Variants in CEMIP2 observed in about 807,000 individuals in gnomAD.
CEMIP2 encodes cell migration inducing hyaluronidase 2.
Under a neutral mutation model 146.9 loss-of-function variants are expected in CEMIP2, and 79 were observed. That is an observed-to-expected ratio of 0.54 (90% CI 0.45 to 0.65). The LOEUF is 0.65. Among genes scored for constraint, CEMIP2 ranks in the 30% least tolerant of loss-of-function variants. CEMIP2 has a pLI of 0.00. For missense variants in CEMIP2, 1,596 were observed against 1,696.2 expected (o/e 0.94, Z 1.04); for synonymous variants, 601 against 606.3 (o/e 0.99, Z 0.13).
At chr9:71,749,428 G>C (rs573400113) in intron 2 of CEMIP2, among the ~76,000 whole-genome samples, 3 of 151,426 alleles carry the variant, frequency 2.0e-5, no homozygotes, top group Admixed American at 2.0e-4. Context: ...ACTTGCGGCC[G>C]GGCATGGTGG....
intron 2 of CEMIP2, among the ~76,000 whole-genome samples, chr9:71,749,282 ATATTTG>A (rs1824177534): frequency 6.6e-6 from 1 of 152,166 alleles, no homozygotes; most frequent in Non-Finnish European, 1.5e-5. Context: ...TTACTCAAAA[ATATTTG>A]AAACTTTTCC....
chr9:71,746,424 C>A, intron 2 of CEMIP2, 83 bp from the exon 3 acceptor site: 1 of 1,511,610 alleles, frequency 6.6e-7, no homozygotes, highest in South Asian at 1.2e-5. Context: ...TTATTTACTG[C>A]AGATCTGCAA....
intron 12 of CEMIP2, among the ~76,000 whole-genome samples, chr9:71,720,846 C>T (rs984070023): frequency 1.2e-4 from 18 of 152,204 alleles, no homozygotes; most frequent in Admixed American, 1.1e-3. Context: ...GAGTCCAATT[C>T]CTTATCAATA....
At chr9:71,763,168 G>A (rs1824687930) in intron 1 of CEMIP2, among the ~76,000 whole-genome samples, 2 of 151,476 alleles carry the variant, frequency 1.3e-5, no homozygotes, top group African/African-American at 4.9e-5. Flanking sequence ...TTCCTAAAAT[G>A]TTAATAATTA....
At chr9:71,690,482 T>C (rs1436245075) in intron 21 of CEMIP2, among the ~76,000 whole-genome samples, 1 of 152,232 alleles carries the variant, frequency 6.6e-6, no homozygotes, top group Non-Finnish European at 1.5e-5. Context: ...AGAACCTGCT[T>C]TGAGCAAGGC....
At chr9:71,698,740 T>C (rs374510685) in intron 19 of CEMIP2, among the ~76,000 whole-genome samples, 5 of 152,332 alleles carry the variant, frequency 3.3e-5, no homozygotes, top group African/African-American at 1.2e-4. Context: ...CGGTCTATAT[T>C]AGGGCCAAAA....
chr9:71,749,750 T>C (rs530751491), intron 2 of CEMIP2, among the ~76,000 whole-genome samples: 22 of 151,912 alleles, frequency 1.4e-4, no homozygotes, highest in African/African-American at 5.3e-4. Context: ...CCAAAAATCA[T>C]ACCTACCATA....
intron 21 of CEMIP2, among the ~76,000 whole-genome samples, chr9:71,692,930 A>ACAG (rs1396624996): frequency 6.6e-6 from 1 of 151,386 alleles, no homozygotes; most frequent in Admixed American, 6.6e-5. Context: ...AACGACAACA[A>ACAG]CAACAACAAA....
chr9:71,758,028 C>T (rs62544882), intron 1 of CEMIP2, among the ~76,000 whole-genome samples: 10,449 of 152,150 alleles, frequency 0.069, 509 homozygotes, highest in South Asian at 0.19. Flanking sequence ...AGGAATCTTT[C>T]TATACGTAGT....
intron 12 of CEMIP2, among the ~76,000 whole-genome samples, chr9:71,720,930 T>C (rs1248379863): frequency 6.6e-6 from 1 of 152,106 alleles, no homozygotes; most frequent in South Asian, 2.1e-4. Context: ...TAATATCACA[T>C]ACACACACCT....
At chr9:71,697,001 G>A (rs747982506) in intron 20 of CEMIP2, among the ~76,000 whole-genome samples, 1 of 152,146 alleles carries the variant, frequency 6.6e-6, no homozygotes, top group African/African-American at 2.4e-5. Context: ...TTAATAGGCA[G>A]TATGCATATT....
At chr9:71,696,677 A>T (rs980232185) in intron 20 of CEMIP2, among the ~76,000 whole-genome samples, 4 of 152,058 alleles carry the variant, frequency 2.6e-5, no homozygotes, top group Non-Finnish European at 5.9e-5. Context: ...AGGCTGAGGG[A>T]GGAGAATCCC....
intron 1 of CEMIP2, among the ~76,000 whole-genome samples, chr9:71,755,379 AC>A: frequency 2.0e-5 from 3 of 150,598 alleles, no homozygotes; most frequent in South Asian, 2.1e-4. Flanking sequence ...ACACACACAC[AC>A]AAAATTAAAT....
At chr9:71,727,006 A>G (rs1259709519) in intron 10 of CEMIP2, among the ~76,000 whole-genome samples, 2 of 152,230 alleles carry the variant, frequency 1.3e-5, no homozygotes, top group African/African-American at 4.8e-5. Context: ...TGTAAAAGGC[A>G]GTGGAAAGGT....
At chr9:71,697,825 T>G (rs1294) in intron 20 of CEMIP2, 160 bp downstream of exon 20, 160,609 of 655,052 alleles carry the variant, frequency 0.25, 20,306 homozygotes, top group African/African-American at 0.26. Flanking sequence ...CTAGTTTGCT[T>G]CTTACGCGCT....
Position 71,704,784 on chromosome 9 carries a change from C to T in CEMIP2, c.3005G>A (p.Ser1002Asn). ...TYAQVYVQTW[S>N]TQNLSMTITR... ...AATGGTCATAGAAAGATTCTGAGTG[C>T]TCCATGTCTGTACATAGACCTTGAA... Residue 1002 changes from serine (S) to asparagine (N), a missense_variant, in exon 18 of 24, where the codon AGC (serine) becomes AAC (asparagine). Coordinates refer to ENST00000377044, the MANE Select transcript of CEMIP2 (RefSeq NM_013390.3). 1 of 1,614,054 alleles carries T rather than the reference C, an allele frequency of 6.2e-7. No individual in the cohort carries two copies. The highest frequency in any genetic ancestry group is 8.5e-7 in the Non-Finnish European group (1 of 1,179,996).
intron 22 of CEMIP2, among the ~76,000 whole-genome samples, chr9:71,688,019 G>T (rs1392605896): frequency 6.6e-6 from 1 of 152,116 alleles, no homozygotes; most frequent in African/African-American, 2.4e-5. Context: ...CACATACCCA[G>T]ATAATTTTTA....
intron 10 of CEMIP2, 89 bp downstream of exon 10, chr9:71,729,756 G>T: frequency 7.8e-7 from 1 of 1,279,366 alleles, no homozygotes; most frequent in Non-Finnish European, 1.1e-6. Flanking sequence ...GGGTTACACT[G>T]GCACACATGA....
chr9:71,706,859 G>A (rs963842716), intron 17 of CEMIP2, among the ~76,000 whole-genome samples: 5 of 151,760 alleles, frequency 3.3e-5, no homozygotes, highest in African/African-American at 7.3e-5. Context: ...ACAGAGTTTC[G>A]CTCTTGTTGC....
Sources: gnomAD v4.1 joint callset for allele counts (sites outside exome capture counted in the v4.1 genomes callset) on GRCh38, gnomAD v4.1.1 for gene constraint, MANE v1.5 for transcripts, NCBI Gene and HGNC (gene_info 2026-07-23, HGNC 2026-07-21) for gene names.